Variants in OPCML observed in about 807,000 individuals in gnomAD.
OPCML encodes the protein opioid-binding protein/cell adhesion molecule.
In OPCML, 13 loss-of-function variants were observed where a neutral mutation model predicts 37.8. The observed-to-expected ratio is 0.34, with a 90% CI of 0.22 to 0.55. The LOEUF (loss-of-function observed/expected upper bound fraction) is 0.55. Ranked by LOEUF, OPCML falls within the 20% of genes least tolerant of loss-of-function variation. OPCML has a pLI of 0.91. For synonymous variants in OPCML, 176 were observed against 168.8 expected, an observed-to-expected ratio of 1.04 and a Z score of -0.33; for missense variants, 341 against 435.6, an observed-to-expected ratio of 0.78 and a Z score of 1.93.
chr11:133,225,701 C>T (rs995264538), intron 1 of OPCML, among the ~76,000 whole-genome samples: 2 of 152,144 alleles, frequency 1.3e-5, no homozygotes, highest in South Asian at 4.1e-4. Flanking sequence ...TATCCGCACT[C>T]AGTCAGGTAG....
chr11:132,826,550 G>C (rs1940352707), intron 2 of OPCML, among the ~76,000 whole-genome samples: 1 of 152,152 alleles, frequency 6.6e-6, no homozygotes, highest in Non-Finnish European at 1.5e-5. Flanking sequence ...CATGTGACCT[G>C]TCTCAAGATT....
At chr11:133,349,090 A>G (rs955948033) in intron 1 of OPCML, among the ~76,000 whole-genome samples, 1 of 152,208 alleles carries the variant, frequency 6.6e-6, no homozygotes, top group Admixed American at 6.5e-5. Flanking sequence ...CTGTATGTGG[A>G]GCCTTTAAGC....
In OPCML at chr11:133,260,897, A is replaced by G. The variant is rs113887253; in HGVS notation, c.61+271367T>C. On this transcript the variant is annotated intron_variant, in intron 1 of 7. Transcript: ENST00000524381. The stretch of plus-strand genomic sequence containing the variant: ...GATTTTTTTTTTTCTGAAATAGACT[A>G]AGAAGAAAAGAAGAGAAACAAAAAA... Among the ~76,000 whole-genome samples, 708 of 152,128 alleles carry G rather than the reference A, an allele frequency of 4.7e-3. 5 individuals carry two copies. Among genetic ancestry groups the G allele is most frequent in the African/African-American group, 0.016 (663 of 41,506 alleles).
intron 3 of OPCML, among the ~76,000 whole-genome samples, chr11:132,603,354 C>T (rs1328543367): frequency 6.6e-6 from 1 of 152,202 alleles, no homozygotes. Context: ...TCACCAAAGG[C>T]AGGCCTATGT....
intron 3 of OPCML, among the ~76,000 whole-genome samples, chr11:132,640,284 T>C (rs1455684874): frequency 3.9e-5 from 6 of 152,024 alleles, no homozygotes; most frequent in Non-Finnish European, 8.8e-5. Context: ...GTGCGTGGCT[T>C]GGTAGGATGG....
At chr11:132,695,606 C>A (rs1459238784) in intron 2 of OPCML, among the ~76,000 whole-genome samples, 1 of 152,114 alleles carries the variant, frequency 6.6e-6, no homozygotes, top group Non-Finnish European at 1.5e-5. Flanking sequence ...GCTTAGTAGA[C>A]CTGTGTGCAC....
chr11:132,933,015 C>G (rs1205771250), intron 2 of OPCML, among the ~76,000 whole-genome samples: 1 of 152,102 alleles, frequency 6.6e-6, no homozygotes, highest in Non-Finnish European at 1.5e-5. Context: ...TATACTTTAT[C>G]TTACATTTCA....
chr11:132,815,144 C>T (rs563489248), intron 2 of OPCML, among the ~76,000 whole-genome samples: 6 of 152,242 alleles, frequency 3.9e-5, no homozygotes, highest in Non-Finnish European at 8.8e-5. Flanking sequence ...CATCTTTTTG[C>T]GTCCAAATTC....
intron 1 of OPCML, among the ~76,000 whole-genome samples, chr11:133,117,576 A>G (rs1949356219): frequency 6.6e-6 from 1 of 152,198 alleles, no homozygotes; most frequent in African/African-American, 2.4e-5. Context: ...TGTTATGCTC[A>G]TATGAGAAGT....
chr11:132,890,264 C>G (rs1451842908), intron 2 of OPCML, among the ~76,000 whole-genome samples: 3 of 152,228 alleles, frequency 2.0e-5, no homozygotes, highest in Admixed American at 1.3e-4. Context: ...GAACCATCTT[C>G]ACTGACAATA....
At chr11:132,624,948 T>C (rs1380174430) in intron 3 of OPCML, among the ~76,000 whole-genome samples, 1 of 152,114 alleles carries the variant, frequency 6.6e-6, no homozygotes, top group Non-Finnish European at 1.5e-5. Flanking sequence ...TTTAACTGGG[T>C]ATCCTGTATT....
chr11:132,604,169 C>T (rs1164401369), intron 3 of OPCML, among the ~76,000 whole-genome samples: 4 of 152,122 alleles, frequency 2.6e-5, no homozygotes. Context: ...CTCTGTTGGG[C>T]TCCATGCGTC....
At chr11:132,979,552 A>G (rs1161178523) in intron 1 of OPCML, among the ~76,000 whole-genome samples, 1 of 151,906 alleles carries the variant, frequency 6.6e-6, no homozygotes, top group African/African-American at 2.4e-5. Context: ...CCTCTCCACA[A>G]CCCTCCCACG....
intron 1 of OPCML, among the ~76,000 whole-genome samples, chr11:133,348,504 A>C (rs188316400): frequency 5.1e-4 from 78 of 152,314 alleles, no homozygotes; most frequent in African/African-American, 1.9e-3. Flanking sequence ...CCAATCTGCA[A>C]GAGAGGAGCA....
chr11:133,168,233 A>G (rs572682519), intron 1 of OPCML, among the ~76,000 whole-genome samples: 39 of 152,326 alleles, frequency 2.6e-4, no homozygotes, highest in Admixed American at 1.2e-3. Context: ...CCATGACACC[A>G]GGGAGATACT....
rs114043518 is a variant in OPCML, at chr11:132,667,601, T to C, written c.147-10282A>G. Among the ~76,000 whole-genome samples, 697 of 152,264 alleles carry C rather than the reference T, an allele frequency of 4.6e-3. 6 individuals carry two copies. Among genetic ancestry groups the C allele is most frequent in the African/African-American group, 0.016 (669 of 41,544 alleles). ...AGATATAAAGTATATGAAGGAAAGA[T>C]GCTCTATCTGCTCTATAAGAGAAGA... On this transcript the variant is annotated intron_variant, in intron 2 of 7. Transcript: ENST00000524381.
intron 1 of OPCML, among the ~76,000 whole-genome samples, chr11:132,951,192 G>A (rs1283227955): frequency 6.6e-6 from 1 of 152,214 alleles, no homozygotes; most frequent in Non-Finnish European, 1.5e-5. Context: ...CAATGAATCT[G>A]TAGAGTACTT....
chr11:133,400,548 G>A (rs1001804713), intron 1 of OPCML, among the ~76,000 whole-genome samples: 2 of 152,134 alleles, frequency 1.3e-5, no homozygotes, highest in Non-Finnish European at 2.9e-5. Context: ...GGAGGTAGAT[G>A]GTGATAATGG....
At chr11:132,697,986 ATTTATT>A (rs1943660708) in intron 2 of OPCML, among the ~76,000 whole-genome samples, 1 of 36,398 alleles carries the variant, frequency 2.7e-5, no homozygotes, top group African/African-American at 9.8e-5. Context: ...CTATTTATTT[ATTTATT>A]TATTTATTTA....
Sources: gnomAD v4.1 joint callset for allele counts (sites outside exome capture counted in the v4.1 genomes callset) on GRCh38, gnomAD v4.1.1 for gene constraint, MANE v1.5 for transcripts, NCBI Gene and HGNC (gene_info 2026-07-23, HGNC 2026-07-21) for gene names.